Variants in KCNAB1 observed in about 807,000 individuals in gnomAD.
The protein encoded by KCNAB1 is potassium voltage-gated channel subfamily A regulatory beta subunit 1.
KCNAB1 carries 35 observed loss-of-function variants against 64.6 expected under a neutral mutation model. That is an observed-to-expected ratio of 0.54 (90% confidence interval 0.41 to 0.72). The LOEUF (loss-of-function observed/expected upper bound fraction) is 0.72, where lower values mean the gene tolerates loss of function less well. Ranked by LOEUF, KCNAB1 falls within the 30% of genes least tolerant of loss-of-function variation. KCNAB1 has a pLI of 0.00. For missense variants in KCNAB1, 401 were observed against 512.9 expected (o/e 0.78, Z 2.11); for synonymous variants, 177 against 183.8 (o/e 0.96, Z 0.30).
intron 8 of KCNAB1, among the ~76,000 whole-genome samples, chr3:156,480,754 T>C (rs1714734464): frequency 6.6e-6 from 1 of 152,110 alleles, no homozygotes. Context: ...TAGACAATTT[T>C]AATTAGGATC....
chr3:156,313,719 C>T (rs1221149552), intron 1 of KCNAB1, among the ~76,000 whole-genome samples: 4 of 152,224 alleles, frequency 2.6e-5, no homozygotes, highest in Non-Finnish European at 5.9e-5. Flanking sequence ...CTGCTCTCCA[C>T]AACTGGAAGA....
chr3:156,250,749 C>T (rs764617048), intron 1 of KCNAB1, among the ~76,000 whole-genome samples: 1 of 152,080 alleles, frequency 6.6e-6, no homozygotes, highest in African/African-American at 2.4e-5. Flanking sequence ...TTTGCCCTGT[C>T]AGCTAGATGA....
In KCNAB1 at chr3:156,515,095, C is replaced by T; in HGVS notation, c.745-5C>T. On this transcript the variant is annotated splice_polypyrimidine_tract_variant and splice_region_variant and intron_variant, in intron 9 of 13. Transcript: ENST00000490337. ...AAATTTGGTTGTAATCTCATTCCTC[C>T]CTAGGAAGCCTATTCTGTAGCAAGA... 1 of 1,597,728 alleles carries T rather than the reference C, an allele frequency of 6.3e-7. No individual in the cohort carries two copies. Among genetic ancestry groups the T allele is most frequent in the Non-Finnish European group, 8.5e-7 (1 of 1,173,892 alleles).
intron 3 of KCNAB1, 128 bp from the exon 4 acceptor site, chr3:156,457,325 A>G: frequency 6.6e-7 from 1 of 1,504,576 alleles, no homozygotes; most frequent in Non-Finnish European, 8.9e-7. Flanking sequence ...CCTCTCCACT[A>G]AAACTAAGAA....
chr3:156,355,604 A>G (rs1725179021), intron 1 of KCNAB1, among the ~76,000 whole-genome samples: 1 of 152,196 alleles, frequency 6.6e-6, no homozygotes, highest in Non-Finnish European at 1.5e-5. Flanking sequence ...TTATAACTCA[A>G]AAGTTAGAAT....
intron 1 of KCNAB1, among the ~76,000 whole-genome samples, chr3:156,394,692 A>G (rs1017946930): frequency 2.6e-5 from 4 of 152,224 alleles, no homozygotes; most frequent in African/African-American, 9.7e-5. Flanking sequence ...TGTTACCCTC[A>G]GCACATGTCC....
intron 1 of KCNAB1, among the ~76,000 whole-genome samples, chr3:156,267,089 AT>A (rs1718766091): frequency 6.6e-6 from 1 of 152,178 alleles, no homozygotes; most frequent in Non-Finnish European, 1.5e-5. Flanking sequence ...TAATCCCAGT[AT>A]CCACACAGAT....
At chr3:156,418,908 A>G (rs1323437912) in intron 1 of KCNAB1, among the ~76,000 whole-genome samples, 1 of 152,234 alleles carries the variant, frequency 6.6e-6, no homozygotes, top group Non-Finnish European at 1.5e-5. Flanking sequence ...TCACCACTAT[A>G]GCAGTATTAG....
At chr3:156,321,127 C>T (rs1406343515) in intron 1 of KCNAB1, among the ~76,000 whole-genome samples, 1 of 152,096 alleles carries the variant, frequency 6.6e-6, no homozygotes, top group African/African-American at 2.4e-5. Context: ...TCCCAGACCC[C>T]TGTCTGTAGT....
intron 2 of KCNAB1, among the ~76,000 whole-genome samples, chr3:156,442,925 C>T (rs1717106338): frequency 6.6e-6 from 1 of 152,176 alleles, no homozygotes; most frequent in African/African-American, 2.4e-5. Context: ...ATCCTGATCT[C>T]AGGTGGGACT....
At chr3:156,414,820 T>G (rs1281831683) in intron 1 of KCNAB1, among the ~76,000 whole-genome samples, 7 of 152,150 alleles carry the variant, frequency 4.6e-5, no homozygotes, top group Admixed American at 4.6e-4. Context: ...TAAGTAGACA[T>G]GAGTGGGCAC....
chr3:156,535,118 C>T (rs1452447453), intron 13 of KCNAB1, among the ~76,000 whole-genome samples: 2 of 152,126 alleles, frequency 1.3e-5, no homozygotes, highest in Admixed American at 1.3e-4. Flanking sequence ...AATTCCAGAG[C>T]TAGTGGGAAA....
At chr3:156,192,690 G>T (rs1055404870) in intron 1 of KCNAB1, among the ~76,000 whole-genome samples, 3 of 151,952 alleles carry the variant, frequency 2.0e-5, no homozygotes, top group East Asian at 1.9e-4. Context: ...GAATATTTAG[G>T]TTCGTTATGT....
intron 1 of KCNAB1, among the ~76,000 whole-genome samples, chr3:156,279,428 C>T (rs1719557334): frequency 1.3e-5 from 2 of 152,226 alleles, no homozygotes; most frequent in East Asian, 1.9e-4. Context: ...AATAAACATA[C>T]GGGTGCATGT....
chr3:156,408,333 A>G (rs1345604472), intron 1 of KCNAB1, among the ~76,000 whole-genome samples: 2 of 152,076 alleles, frequency 1.3e-5, no homozygotes, highest in African/African-American at 4.8e-5. Flanking sequence ...ACATCACACC[A>G]TACTCCTTGC....
At chr3:156,220,272 A>C (rs1038827680) in intron 1 of KCNAB1, among the ~76,000 whole-genome samples, 2 of 152,206 alleles carry the variant, frequency 1.3e-5, no homozygotes, top group Non-Finnish European at 2.9e-5. Flanking sequence ...TTCTAGTTCT[A>C]GATCCTTGAG....
intron 1 of KCNAB1, among the ~76,000 whole-genome samples, chr3:156,271,483 C>T (rs1232396235): frequency 1.3e-5 from 2 of 152,080 alleles, no homozygotes; most frequent in Non-Finnish European, 2.9e-5. Flanking sequence ...GACTCTAATG[C>T]ATTCTTCAGT....
chr3:156,536,938 T>C lies in KCNAB1; in HGVS notation c.*191T>C, dbSNP rs1270240925. 3.3e-6 allele frequency: 2 copies of C among 597,558 alleles called. No individual in the cohort carries two copies. The highest frequency in any genetic ancestry group is 6.0e-6 in the Non-Finnish European group (2 of 335,962). The allele number at this position is 597,558 out of a possible 1,614,324, so 37.0% of individuals were successfully genotyped here. On this transcript the variant is annotated 3_prime_UTR_variant, in exon 14 of 14. Transcript: ENST00000490337. ...ATCTGAAAACTCACAACCAAGAAAA[T>C]CCATTCTATTTTCTTATCTTGGACT...
chr3:156,288,850 G>T (rs527578887), intron 1 of KCNAB1, among the ~76,000 whole-genome samples: 4 of 152,192 alleles, frequency 2.6e-5, no homozygotes, highest in Non-Finnish European at 5.9e-5. Context: ...AAACTAGAAC[G>T]TGCAGGATTT....
Sources: allele counts gnomAD v4.1 joint callset (sites outside exome capture counted in the v4.1 genomes callset), GRCh38; gene constraint gnomAD v4.1.1; transcripts MANE v1.5; gene names NCBI Gene and HGNC (gene_info 2026-07-23, HGNC 2026-07-21).